The following ENOX1 variants were observed in gnomAD, a reference collection of about 807,000 sequenced individuals.
ENOX1 encodes candidate growth-related and time keeping constitutive hydroquinone (NADH) oxidase.
Under a neutral mutation model 82.5 loss-of-function variants are expected in ENOX1, and 42 were observed. The observed-to-expected ratio is 0.51, with a 90% CI of 0.40 to 0.66. The LOEUF (loss-of-function observed/expected upper bound fraction) is 0.66. ENOX1 is among the 30% of genes least tolerant of loss of function. ENOX1 has a pLI of 0.00. For missense variants in ENOX1, 608 were observed against 811.6 expected, an observed-to-expected ratio of 0.75 and a Z score of 3.05; for synonymous variants, 271 against 282.2, an observed-to-expected ratio of 0.96 and a Z score of 0.40.
intron 11 of ENOX1, among the ~76,000 whole-genome samples, chr13:43,307,369 T>TA (rs906380140): frequency 6.6e-6 from 1 of 152,194 alleles, no homozygotes; most frequent in Middle Eastern, 3.2e-3. Flanking sequence ...TCCCAGATGT[T>TA]ACGAATCTGA....
At chr13:43,781,871 A>G (rs1684298926) in intron 1 of ENOX1, among the ~76,000 whole-genome samples, 1 of 152,174 alleles carries the variant, frequency 6.6e-6, no homozygotes, top group Admixed American at 6.5e-5. Context: ...GTGGAAGTAT[A>G]TGTGTACCTA....
chr13:43,562,409 A>G (rs575942671), intron 2 of ENOX1, among the ~76,000 whole-genome samples: 84 of 152,264 alleles, frequency 5.5e-4, no homozygotes, highest in African/African-American at 1.9e-3. Flanking sequence ...CAAGAAATCA[A>G]AATATACCAC....
rs1457149422 is a variant in ENOX1, at chr13:43,616,204, A to ATATATATATATATATATATTTTTT, written c.-219+51274_-219+51275insAAAAAATATATATATATATATATA. 7.2e-4 allele frequency among the ~76,000 whole-genome samples: 11 copies of ATATATATATATATATATATTTTTT among 15,316 alleles called. 4 individuals are homozygous for ATATATATATATATATATATTTTTT. The highest frequency in any genetic ancestry group is 1.7e-3 in the Non-Finnish European group (8 of 4,802). 10.0% of individuals were successfully genotyped at this position (15,316 alleles called of 152,430 possible). A position where few individuals can be genotyped will look rare whatever the true frequency, so the allele number is the denominator to read the frequency against. ...TATCTATCTATATATATATATATAT[A>ATATATATATATATATATATTTTTT]TTTTTTTTTTTTTTTTAGGACGGAG... is the stretch of plus-strand genomic sequence containing the variant. On this transcript the variant is annotated intron_variant, in intron 2 of 16. Transcript: ENST00000690772.
chr13:43,470,190 GTGTATATATATA>G (rs2057927888), intron 3 of ENOX1, among the ~76,000 whole-genome samples: 1 of 144,050 alleles, frequency 6.9e-6, no homozygotes, highest in African/African-American at 2.6e-5. Context: ...ATATGTGTGT[GTGTATATATATA>G]TGTGTATATA....
intron 15 of ENOX1, among the ~76,000 whole-genome samples, chr13:43,233,740 A>G (rs1049624024): frequency 1.3e-5 from 2 of 152,194 alleles, no homozygotes; most frequent in Non-Finnish European, 2.9e-5. Context: ...CTATATTGGC[A>G]TACAGCATAC....
intron 1 of ENOX1, among the ~76,000 whole-genome samples, chr13:43,737,204 G>T (rs1401692773): frequency 6.6e-6 from 1 of 152,162 alleles, no homozygotes; most frequent in Non-Finnish European, 1.5e-5. Flanking sequence ...CTACCTTCTA[G>T]AGTCTGTTAG....
At chr13:43,609,783 T>C (rs940623959) in intron 2 of ENOX1, 1 of 287,840 alleles carries the variant, frequency 3.5e-6, no homozygotes, top group Non-Finnish European at 5.2e-6. Flanking sequence ...AATAACTTCA[T>C]TATTATGGCA....
At chr13:43,530,858 T>A (rs1359611075) in intron 2 of ENOX1, among the ~76,000 whole-genome samples, 2 of 152,028 alleles carry the variant, frequency 1.3e-5, no homozygotes, top group Non-Finnish European at 2.9e-5. Flanking sequence ...TTAAATTATA[T>A]CATTGGGTAC....
intron 2 of ENOX1, among the ~76,000 whole-genome samples, chr13:43,569,745 T>C (rs571145240): frequency 7.2e-5 from 11 of 152,110 alleles, no homozygotes; most frequent in Non-Finnish European, 1.6e-4. Context: ...TCTCCAACAA[T>C]GAGCCTTTTA....
intron 12 of ENOX1, among the ~76,000 whole-genome samples, chr13:43,285,009 C>A (rs999118215): frequency 6.6e-5 from 10 of 152,108 alleles, no homozygotes; most frequent in Non-Finnish European, 1.3e-4. Flanking sequence ...ATGGAAGAAG[C>A]TGCACATAGA....
At position 43,398,712 on chromosome 13, in the gene ENOX1, C is replaced by A. The variant is rs533313190; in HGVS notation, c.208+13204G>T. Reference sequence around the variant, plus strand: ...CCTTTTCCTCCTCCTCCCAGCCTACCCAACGTGAAGACGAGGAGCATGGAG... The same window carrying A: ...CCTTTTCCTCCTCCTCCCAGCCTACACAACGTGAAGACGAGGAGCATGGAG... On this transcript the variant is annotated intron_variant, in intron 5 of 16. Coordinates refer to ENST00000690772, the MANE Select transcript of ENOX1 (RefSeq NM_001347969.2). Among the ~76,000 whole-genome samples, 3 of 151,882 alleles carry A rather than the reference C, an allele frequency of 2.0e-5. No homozygotes were observed. In the East Asian group the frequency reaches 5.8e-4, roughly 29 times the overall value.
intron 1 of ENOX1, among the ~76,000 whole-genome samples, chr13:43,719,474 G>A (rs2088409655): frequency 1.3e-5 from 2 of 151,990 alleles, no homozygotes; most frequent in African/African-American, 4.8e-5. Context: ...GGCTCCCCCT[G>A]AATCATCTAC....
At chr13:43,672,865 G>A (rs2085332954) in intron 1 of ENOX1, among the ~76,000 whole-genome samples, 1 of 152,062 alleles carries the variant, frequency 6.6e-6, no homozygotes, top group Non-Finnish European at 1.5e-5. Context: ...AGTTGCATTT[G>A]CCATCTGAAT....
chr13:43,320,558 A>G (rs1593913414), intron 11 of ENOX1, among the ~76,000 whole-genome samples: 2 of 152,312 alleles, frequency 1.3e-5, no homozygotes, highest in East Asian at 3.9e-4. Context: ...TGAGCATACT[A>G]TTCAGAGTCA....
intron 3 of ENOX1, among the ~76,000 whole-genome samples, chr13:43,441,441 GAAAA>G (rs1202746259): frequency 1.3e-5 from 2 of 152,092 alleles, no homozygotes; most frequent in Non-Finnish European, 2.9e-5. Flanking sequence ...GTTCAGACAG[GAAAA>G]AAGACAGGAG....
At chr13:43,678,607 T>C (rs1194935795) in intron 1 of ENOX1, among the ~76,000 whole-genome samples, 1 of 152,160 alleles carries the variant, frequency 6.6e-6, no homozygotes, top group Non-Finnish European at 1.5e-5. Context: ...CAGATACAGA[T>C]TCCAATCTAG....
intron 3 of ENOX1, among the ~76,000 whole-genome samples, chr13:43,424,446 T>C (rs1361119991): frequency 2.0e-5 from 3 of 152,322 alleles, no homozygotes; most frequent in East Asian, 3.9e-4. Flanking sequence ...CTTTAATTTA[T>C]GGAAATCTAC....
intron 2 of ENOX1, among the ~76,000 whole-genome samples, chr13:43,643,659 A>T (rs2083765603): frequency 6.6e-6 from 1 of 151,478 alleles, no homozygotes; most frequent in Non-Finnish European, 1.5e-5. Context: ...ACACACACAT[A>T]TATATATACA....
At chr13:43,754,049 CAT>C (rs55762019) in intron 1 of ENOX1, among the ~76,000 whole-genome samples, 5,767 of 20,018 alleles carry the variant, frequency 0.29, 556 homozygotes, top group African/African-American at 0.3. Flanking sequence ...TATAAATACA[CAT>C]ATATATACAT....
Sources: allele counts gnomAD v4.1 joint callset (sites outside exome capture counted in the v4.1 genomes callset), GRCh38; gene constraint gnomAD v4.1.1; transcripts MANE v1.5; gene names NCBI Gene and HGNC (gene_info 2026-07-23, HGNC 2026-07-21).